The following KLRG1 variants were observed in gnomAD, a reference collection of about 807,000 sequenced individuals.
The protein encoded by KLRG1 is killer cell lectin like receptor G1.
KLRG1 carries 16 observed loss-of-function variants against 21.8 expected under a neutral mutation model. That is an observed-to-expected ratio of 0.73 (90% confidence interval 0.50 to 1.11). KLRG1 has a LOEUF of 1.11. Among genes scored for constraint, KLRG1 ranks in the 50% most tolerant of loss-of-function variants. The probability of loss-of-function intolerance (pLI) is 0.00; values close to 1 mark genes in which losing one functional copy is unlikely to be tolerated. For synonymous variants in KLRG1, 69 were observed against 75.9 expected, an observed-to-expected ratio of 0.91 and a Z score of 0.47; for missense variants, 173 against 218.3, an observed-to-expected ratio of 0.79 and a Z score of 1.31.
chr12:9,049,091 T>C, the KLRG1 span, among the ~76,000 whole-genome samples: 1 of 152,190 alleles, frequency 6.6e-6, no homozygotes, highest in Non-Finnish European at 1.5e-5. Flanking sequence ...ATTCTTTTAG[T>C]CTGGACAGAG....
upstream of KLRG1, chr12:8,987,547 T>C (rs1252368605): frequency 6.6e-6 from 1 of 152,224 alleles, no homozygotes; most frequent in African/African-American, 2.4e-5. Flanking sequence ...GGTATTTTGT[T>C]GTGATAGTCC....
the KLRG1 span, among the ~76,000 whole-genome samples, chr12:9,073,248 G>A: frequency 6.6e-6 from 1 of 152,196 alleles, no homozygotes; most frequent in African/African-American, 2.4e-5. Context: ...GCAAAGTTCA[G>A]TCTGGCTCTC....
the KLRG1 span, among the ~76,000 whole-genome samples, chr12:9,042,157 A>T: frequency 6.6e-6 from 1 of 152,210 alleles, no homozygotes; most frequent in Non-Finnish European, 1.5e-5. Context: ...TAGGATGTTG[A>T]ATATACCAGC....
At chr12:9,103,084 G>C in the KLRG1 span, among the ~76,000 whole-genome samples, 1 of 152,230 alleles carries the variant, frequency 6.6e-6, no homozygotes, top group East Asian at 1.9e-4. Context: ...AGGTCATCTG[G>C]AGAAAATTAG....
At chr12:9,132,538 A>G in the KLRG1 span, among the ~76,000 whole-genome samples, 1 of 152,188 alleles carries the variant, frequency 6.6e-6, no homozygotes, top group Non-Finnish European at 1.5e-5. Flanking sequence ...TGAGAGAAAC[A>G]TGATTACTCT....
At chr12:9,109,914 T>C in the KLRG1 span, 1 of 1,613,738 alleles carries the variant, frequency 6.2e-7, no homozygotes, top group East Asian at 2.2e-5. Flanking sequence ...ACCTGATTTC[T>C]TCTGTACCAC....
the KLRG1 span, chr12:9,196,464 T>C: frequency 6.3e-7 from 1 of 1,581,848 alleles, no homozygotes; most frequent in Non-Finnish European, 8.7e-7. Flanking sequence ...GAGTCAGTAC[T>C]TTTAGAAGTT....
At chr12:9,157,683 G>A in the KLRG1 span, 3 of 1,240,792 alleles carry the variant, frequency 2.4e-6, no homozygotes, top group Non-Finnish European at 3.5e-6. Context: ...AAAGATACTT[G>A]AGACTCAACC....
the KLRG1 span, among the ~76,000 whole-genome samples, chr12:9,119,943 G>A: frequency 6.6e-6 from 1 of 152,198 alleles, no homozygotes; most frequent in Non-Finnish European, 1.5e-5. Flanking sequence ...GGACACCTGA[G>A]CCCTACTTCT....
chr12:9,031,309 C>G, the KLRG1 span, among the ~76,000 whole-genome samples: 1 of 152,168 alleles, frequency 6.6e-6, no homozygotes, highest in African/African-American at 2.4e-5. Flanking sequence ...CTTTAGAATG[C>G]ATCTCTGAAT....
At chr12:9,035,377 C>T in the KLRG1 span, among the ~76,000 whole-genome samples, 2 of 151,814 alleles carry the variant, frequency 1.3e-5, no homozygotes, top group Non-Finnish European at 2.9e-5. Flanking sequence ...TGTTCTCACT[C>T]ATAAGTGGGA....
chr12:9,116,895 GTATAAAATACAA>G, the KLRG1 span, among the ~76,000 whole-genome samples: 1 of 32,936 alleles, frequency 3.0e-5, no homozygotes, highest in African/African-American at 4.1e-4. Flanking sequence ...ATAAAATACA[GTATAAAATACAA>G]TATAAAACTA....
upstream of KLRG1, among the ~76,000 whole-genome samples, chr12:8,984,954 T>C (rs1259360332): frequency 6.6e-6 from 1 of 152,214 alleles, no homozygotes; most frequent in Non-Finnish European, 1.5e-5. Context: ...GCACAGAACA[T>C]TTCTTTATAC....
chr12:9,090,595 G>A, the KLRG1 span: 2 of 1,123,114 alleles, frequency 1.8e-6, no homozygotes, highest in South Asian at 3.0e-5. Flanking sequence ...TCACATTAAA[G>A]ATGATATAAA....
the KLRG1 span, among the ~76,000 whole-genome samples, chr12:9,042,516 G>A: frequency 4.6e-5 from 7 of 152,168 alleles, no homozygotes; most frequent in Non-Finnish European, 1.0e-4. Context: ...TCCCAAGGAC[G>A]TGTTTCTTAG....
At chr12:9,012,776 C>T (rs1279502030), downstream of KLRG1, among the ~76,000 whole-genome samples, 1 of 151,910 alleles carries the variant, frequency 6.6e-6, no homozygotes, top group Non-Finnish European at 1.5e-5. Flanking sequence ...GGGGAGGGAG[C>T]CCATTGCCCT....
chr12:9,092,485 G>A, the KLRG1 span, among the ~76,000 whole-genome samples: 6 of 152,152 alleles, frequency 3.9e-5, no homozygotes, highest in Admixed American at 2.6e-4. Flanking sequence ...TAAGGGTTGG[G>A]CTTCTAAACA....
chr12:9,008,894 TA>T, intron 3 of KLRG1, 80 bp from the exon 4 acceptor site: 1 of 871,638 alleles, frequency 1.1e-6, no homozygotes, highest in East Asian at 2.4e-5. Flanking sequence ...CTTAACTTAG[TA>T]TTAGGAATCC....
At chr12:9,162,686 C>T in the KLRG1 span, 1 of 1,490,368 alleles carries the variant, frequency 6.7e-7, no homozygotes, top group Non-Finnish European at 9.3e-7. Flanking sequence ...AAGATAGAAA[C>T]ATCCTGGTGA....
Sources: allele counts gnomAD v4.1 joint callset (sites outside exome capture counted in the v4.1 genomes callset), GRCh38; gene constraint gnomAD v4.1.1; transcripts MANE v1.5; gene names NCBI Gene and HGNC (gene_info 2026-07-23, HGNC 2026-07-21).